SLC67A1: variants seen among roughly 807,000 people sequenced by gnomAD.
The protein encoded by SLC67A1 is solute carrier family 67 member 1, also known as solute carrier family 67 member A1.
the SLC67A1 span, chr11:2,902,509 G>T: frequency 2.3e-6 from 2 of 886,892 alleles, no homozygotes; most frequent in South Asian, 1.0e-4. Flanking sequence ...ATCCCGGGAT[G>T]GGGGAGGGCG....
chr11:2,916,694 C>T, the SLC67A1 span: 48 of 1,613,060 alleles, frequency 3.0e-5, no homozygotes, highest in African/African-American at 2.3e-4. Flanking sequence ...CCTGCATCCC[C>T]GCCAGCACCA....
the SLC67A1 span, chr11:2,909,687 CG>C: frequency 6.5e-7 from 1 of 1,542,306 alleles, no homozygotes; most frequent in East Asian, 2.5e-5. Flanking sequence ...CCCTGCTGGG[CG>C]GGACCCTGGT....
the SLC67A1 span, among the ~76,000 whole-genome samples, chr11:2,912,375 A>G: frequency 0.8 from 122,107 of 152,242 alleles, 49,219 homozygotes; most frequent in East Asian, 0.92. Context: ...CTCTTGGTCC[A>G]GCTGCCCCAA....
chr11:2,919,229 G>C, the SLC67A1 span: 3 of 1,021,408 alleles, frequency 2.9e-6, no homozygotes, highest in Admixed American at 5.3e-5. Flanking sequence ...GATTGGCCAG[G>C]CTGCTGAGGC....
chr11:2,909,226 G>C, the SLC67A1 span: 1 of 1,539,112 alleles, frequency 6.5e-7, no homozygotes, highest in Non-Finnish European at 8.7e-7. Flanking sequence ...CGCGGGCGGC[G>C]CTCACGCTCT....
the SLC67A1 span, among the ~76,000 whole-genome samples, chr11:2,923,333 C>CTAGAGGCCCGGATGTGGCCGGG: frequency 8.8e-5 from 13 of 147,344 alleles, no homozygotes; most frequent in African/African-American, 3.3e-4. The surrounding 1 kb of genome is among the most constrained non-coding windows in gnomAD (Gnocchi z 6.5). Flanking sequence ...GGCAGCAGAT[C>CTAGAGGCCCGGATGTGGCCGGG]CAGAAACTCA....
chr11:2,908,365 A>G, the SLC67A1 span: 3 of 1,500,692 alleles, frequency 2.0e-6, no homozygotes, highest in African/African-American at 1.4e-5. Flanking sequence ...CTCTCCCCAC[A>G]GTGACCCAGG....
chr11:2,902,680 C>T, the SLC67A1 span: 6 of 835,390 alleles, frequency 7.2e-6, no homozygotes, highest in Non-Finnish European at 8.6e-6. Flanking sequence ...GGAGGCCGGG[C>T]GGGGAAGGGT....
At chr11:2,916,342 A>C in the SLC67A1 span, 1 of 405,668 alleles carries the variant, frequency 2.5e-6, no homozygotes, top group Non-Finnish European at 4.4e-6. Flanking sequence ...CCAGGCGCTC[A>C]CCAGCCTGGC....
At chr11:2,909,922 G>A in the SLC67A1 span, 736 of 517,110 alleles carry the variant, frequency 1.4e-3, no homozygotes, top group Non-Finnish European at 1.9e-3. Flanking sequence ...TGATGTCCCA[G>A]TGCTGTCCGG....
At chr11:2,909,301 G>A in the SLC67A1 span, 1 of 1,534,184 alleles carries the variant, frequency 6.5e-7, no homozygotes, top group South Asian at 1.2e-5. Flanking sequence ...CCCTGCCCGG[G>A]GTCTACCTGC....
chr11:2,919,065 G>A, the SLC67A1 span: 1 of 535,456 alleles, frequency 1.9e-6, no homozygotes, highest in South Asian at 2.7e-5. Flanking sequence ...CTCCCTTCCA[G>A]CACCTTCCTG....
chr11:2,909,750 C>T, the SLC67A1 span: 1 of 1,421,208 alleles, frequency 7.0e-7, no homozygotes, highest in Non-Finnish European at 9.2e-7. Flanking sequence ...TGGGTCAGGA[C>T]GCCCGCGGCT....
At chr11:2,909,473 G>T in the SLC67A1 span, 7 of 1,432,940 alleles carry the variant, frequency 4.9e-6, no homozygotes, top group African/African-American at 1.5e-5. Flanking sequence ...AGGGCTGGAC[G>T]GGGGTGGGGG....
chr11:2,908,175 G>T, the SLC67A1 span: 1 of 1,175,762 alleles, frequency 8.5e-7, no homozygotes, highest in South Asian at 1.2e-5. Context: ...AGGGACCCCA[G>T]ATTCTAGGCC....
At chr11:2,915,172 A>T in the SLC67A1 span, 1 of 984,988 alleles carries the variant, frequency 1.0e-6, no homozygotes, top group Non-Finnish European at 1.2e-6. Flanking sequence ...CAATGCCCAG[A>T]CTCTCTGGAC....
chr11:2,909,232 G>A, the SLC67A1 span: 1 of 1,539,418 alleles, frequency 6.5e-7, no homozygotes, highest in South Asian at 1.2e-5. Flanking sequence ...CGGCGCTCAC[G>A]CTCTCCTTCC....
chr11:2,909,435 G>C, the SLC67A1 span: 1 of 1,446,236 alleles, frequency 6.9e-7, no homozygotes, highest in Non-Finnish European at 9.1e-7. Context: ...CTCCAGGGAG[G>C]TCTGCGTGCG....
the SLC67A1 span, among the ~76,000 whole-genome samples, chr11:2,911,008 G>A: frequency 3.3e-5 from 5 of 152,308 alleles, no homozygotes; most frequent in African/African-American, 9.6e-5. Flanking sequence ...GGTGAGGAGG[G>A]AGCACGTCCT....
Sources: allele counts gnomAD v4.1 joint callset (sites outside exome capture counted in the v4.1 genomes callset), GRCh38; gene constraint gnomAD v4.1.1; non-coding constraint Gnocchi (gnomAD v3.1); transcripts MANE v1.5; gene names NCBI Gene and HGNC (gene_info 2026-07-23, HGNC 2026-07-21).